RASSF3: variants seen among roughly 807,000 people sequenced by gnomAD.
The protein encoded by RASSF3 is ras association domain-containing protein 3.
Under a neutral mutation model 19.9 loss-of-function variants are expected in RASSF3, and 19 were observed. The observed-to-expected ratio is 0.96, with a 90% CI of 0.67 to 1.40. The LOEUF is 1.40. Among genes scored for constraint, RASSF3 ranks in the 40% most tolerant of loss-of-function variants. The pLI, the probability that RASSF3 is intolerant of heterozygous loss-of-function variation, is 0.00. For missense variants in RASSF3, 306 were observed against 289.8 expected (o/e 1.06, Z -0.41); for synonymous variants, 110 against 104.2 (o/e 1.06, Z -0.34).
At chr12:64,563,914 C>T (rs1169571138) in intron 2 of RASSF3, among the ~76,000 whole-genome samples, 1 of 152,136 alleles carries the variant, frequency 6.6e-6, no homozygotes, top group Non-Finnish European at 1.5e-5. Context: ...TTTCTTCTCT[C>T]CCCCATCTAG....
intron 1 of RASSF3, among the ~76,000 whole-genome samples, chr12:64,642,900 CTG>C (rs1191240184): frequency 6.7e-6 from 1 of 148,650 alleles, no homozygotes; most frequent in Non-Finnish European, 1.5e-5. Flanking sequence ...GAGTCTCACT[CTG>C]TTGCCCAAGC....
At chr12:64,689,904 C>G (rs1868257325) in intron 3 of RASSF3, among the ~76,000 whole-genome samples, 1 of 150,226 alleles carries the variant, frequency 6.7e-6, no homozygotes, top group African/African-American at 2.5e-5. Context: ...TCTCCTGCCT[C>G]AGCCTCCCGA....
intron 1 of RASSF3, among the ~76,000 whole-genome samples, chr12:64,651,585 C>G (rs1475143842): frequency 6.6e-6 from 1 of 152,000 alleles, no homozygotes; most frequent in East Asian, 1.9e-4. Flanking sequence ...GTCTTGAACT[C>G]CTGACCTCAA....
intron 3 of RASSF3, among the ~76,000 whole-genome samples, chr12:64,690,063 G>A (rs1031581597): frequency 1.4e-4 from 21 of 151,370 alleles, no homozygotes; most frequent in Admixed American, 1.1e-3. Context: ...TGCTGGGATT[G>A]CAGGTGTGAG....
chr12:64,691,321 G>A (rs1195920290), intron 3 of RASSF3, 149 bp from the exon 4 acceptor site: 6 of 629,756 alleles, frequency 9.5e-6, no homozygotes, highest in South Asian at 5.4e-5. Context: ...GTGGGCTACT[G>A]GTATTAAATA....
chr12:64,685,007 G>A, intron 2 of RASSF3, 113 bp downstream of exon 2: 1 of 673,050 alleles, frequency 1.5e-6, no homozygotes, highest in East Asian at 2.7e-5. Context: ...AAGTGTAGTA[G>A]TCAAGGTATA....
At position 64,695,713 on chromosome 12, in the gene RASSF3, A is replaced by C. The variant is rs943164884; in HGVS notation, c.*801A>C. The C allele has an allele frequency of 6.6e-6, 1 of 152,382 alleles. No homozygotes were observed. Among genetic ancestry groups the C allele is most frequent in the African/African-American group, 2.4e-5 (1 of 41,564 alleles). The allele number at this position is 152,382 out of a possible 1,614,324, so 9.4% of individuals were successfully genotyped here. A position where few individuals can be genotyped will look rare whatever the true frequency, so the allele number is the denominator to read the frequency against. On this transcript the variant is annotated 3_prime_UTR_variant, in exon 5 of 5. Transcript: ENST00000542104. ...GACCCATGAACTCTGCAGCTGACCA[A>C]TCAGAGAATCAGGCAGGTGTAGCCT...
chr12:64,522,402 G>A (rs555271187), intron 1 of RASSF3, among the ~76,000 whole-genome samples: 50 of 152,230 alleles, frequency 3.3e-4, no homozygotes, highest in African/African-American at 1.1e-3. Flanking sequence ...CCTTTAGCAT[G>A]TTAGGGCATG....
upstream of RASSF3, among the ~76,000 whole-genome samples, chr12:64,530,681 C>A (rs985289357): frequency 1.3e-5 from 2 of 152,172 alleles, no homozygotes; most frequent in East Asian, 3.8e-4. Flanking sequence ...CATTCTCACC[C>A]GCAGCCTGTA....
chr12:64,520,732 G>C (rs768283514), intron 1 of RASSF3, among the ~76,000 whole-genome samples: 2 of 146,662 alleles, frequency 1.4e-5, no homozygotes, highest in Non-Finnish European at 3.0e-5. Context: ...ATGGAAAGAA[G>C]GACATTGGAA....
chr12:64,530,259 G>A (rs1868679002), upstream of RASSF3, among the ~76,000 whole-genome samples: 1 of 151,758 alleles, frequency 6.6e-6, no homozygotes, highest in African/African-American at 2.4e-5. Context: ...TATTGCATGT[G>A]CATCAATAAT....
chr12:64,655,335 A>G (rs1033486081), intron 1 of RASSF3, among the ~76,000 whole-genome samples: 20 of 152,196 alleles, frequency 1.3e-4, no homozygotes, highest in African/African-American at 4.8e-4. Context: ...TCGTCTGTAC[A>G]TGGTTTCTTT....
chr12:64,689,721 T>C (rs1007538375), intron 3 of RASSF3, among the ~76,000 whole-genome samples: 5 of 152,000 alleles, frequency 3.3e-5, no homozygotes, highest in Non-Finnish European at 5.9e-5. Flanking sequence ...ATGAGACATA[T>C]ATAGCTGTGC....
intron 1 of RASSF3, among the ~76,000 whole-genome samples, chr12:64,509,676 C>T (rs1246361393): frequency 6.6e-6 from 1 of 152,052 alleles, no homozygotes; most frequent in East Asian, 1.9e-4. Flanking sequence ...TAATCTATAC[C>T]TAGAAAGTTT....
At position 64,580,993 on chromosome 12, in the gene RASSF3, C is replaced by CATAT. The variant is rs71278246; in HGVS notation, c.294+39297_294+39300dup. ...GGGATTCAACTCATTCAACCTGTAA[C>CATAT]ATATATATATATTTACATGTATCTA... On this transcript the variant is annotated intron_variant, in intron 2 of 5. Coordinates refer to the RASSF3 transcript ENST00000637125. Among the ~76,000 whole-genome samples the CATAT allele has an allele frequency of 1.5e-3, 222 of 151,100 alleles. 1 individual carries two copies. The highest frequency in any genetic ancestry group is 4.8e-3 in the African/African-American group (197 of 41,198).
intron 1 of RASSF3, among the ~76,000 whole-genome samples, chr12:64,646,313 C>T (rs898746369): frequency 2.0e-5 from 3 of 152,112 alleles, no homozygotes; most frequent in African/African-American, 4.8e-5. Flanking sequence ...GTTAGACTGA[C>T]GTACATGCCC....
downstream of RASSF3, among the ~76,000 whole-genome samples, chr12:64,544,735 C>T (rs572748641): frequency 1.1e-4 from 16 of 152,156 alleles, no homozygotes; most frequent in Non-Finnish European, 1.9e-4. Context: ...TGAAACTAGG[C>T]AGCAATATTT....
intron 1 of RASSF3, among the ~76,000 whole-genome samples, chr12:64,527,169 G>A (rs745968443): frequency 6.6e-5 from 10 of 152,252 alleles, no homozygotes; most frequent in Non-Finnish European, 1.3e-4. Flanking sequence ...CTGCTGAATT[G>A]CAGAATCCTA....
At chr12:64,543,421 G>GCCCCCCC (rs1565836074), downstream of RASSF3, among the ~76,000 whole-genome samples, 3 of 55,872 alleles carry the variant, frequency 5.4e-5, no homozygotes, top group Admixed American at 1.8e-4. Flanking sequence ...CCCGCCCCCC[G>GCCCCCCC]GCTCCCCGCC....
Sources: gnomAD v4.1 joint callset for allele counts (sites outside exome capture counted in the v4.1 genomes callset) on GRCh38, gnomAD v4.1.1 for gene constraint, MANE v1.5 for transcripts, NCBI Gene and HGNC (gene_info 2026-07-23, HGNC 2026-07-21) for gene names.